The following ANKFY1 variants were observed in gnomAD, a reference collection of about 807,000 sequenced individuals.
The protein encoded by ANKFY1 is ankyrin repeat and FYVE domain containing 1.
In ANKFY1, 47 loss-of-function variants were observed where a neutral mutation model predicts 128.3. The ratio of observed to expected loss-of-function variants is 0.37; its 90% confidence interval spans 0.29 to 0.47. The LOEUF (loss-of-function observed/expected upper bound fraction) is 0.47, where lower values mean the gene tolerates loss of function less well. Among genes scored for constraint, ANKFY1 ranks in the 20% least tolerant of loss-of-function variants. ANKFY1 has a pLI of 1.00. For synonymous variants in ANKFY1, 553 were observed against 601.6 expected (o/e 0.92, Z 1.18); for missense variants, 1,222 against 1,510.6 (o/e 0.81, Z 3.17).
intron 11 of ANKFY1, among the ~76,000 whole-genome samples, chr17:4,189,075 C>T (rs894781422): frequency 4.6e-5 from 7 of 152,112 alleles, no homozygotes; most frequent in Admixed American, 3.9e-4. Flanking sequence ...AATGCTATCG[C>T]GGTAGGTTTG....
At chr17:4,214,446 C>T (rs1356514936) in intron 4 of ANKFY1, among the ~76,000 whole-genome samples, 2 of 151,838 alleles carry the variant, frequency 1.3e-5, no homozygotes, top group South Asian at 2.1e-4. Context: ...GACTTTCACC[C>T]GAAGGGAATT....
intron 1 of ANKFY1, among the ~76,000 whole-genome samples, chr17:4,245,508 A>G (rs1967490255): frequency 6.8e-6 from 1 of 146,898 alleles, no homozygotes; most frequent in Non-Finnish European, 1.5e-5. Context: ...CTGGCTATAA[A>G]TTTTTAAGTT....
At position 4,166,670 on chromosome 17, in the gene ANKFY1, C is replaced by T. The variant is rs1300427670; in HGVS notation, c.*1109G>A. On this transcript the variant is annotated 3_prime_UTR_variant, in exon 25 of 25. Coordinates refer to ENST00000341657, the MANE Select transcript of ANKFY1 (RefSeq NM_001330063.2). ...ATGGGGCAGGGCAAGCTACACAGAA[C>T]TGGGACCAACAGCACTCGCAGCATC... The T allele has an allele frequency of 6.6e-6, 1 of 152,316 alleles. No homozygotes were observed. Among genetic ancestry groups the T allele is most frequent in the Non-Finnish European group, 1.5e-5 (1 of 68,084 alleles). The allele number at this position is 152,316 out of a possible 1,614,324, so 9.4% of individuals were successfully genotyped here.
At chr17:4,206,568 T>C in intron 6 of ANKFY1, 82 bp from the exon 7 acceptor site, 5 of 1,263,292 alleles carry the variant, frequency 4.0e-6, no homozygotes, top group South Asian at 1.4e-5. Flanking sequence ...GACCCTTAAA[T>C]ATCATCTCTT....
chr17:4,203,827 C>CAAAAAAAAAA (rs773865349), intron 7 of ANKFY1, among the ~76,000 whole-genome samples: 242 of 77,478 alleles, frequency 3.1e-3, no homozygotes, highest in Non-Finnish European at 4.0e-3. Context: ...ACAACAACAA[C>CAAAAAAAAAA]AAAAAAAAAA....
chr17:4,190,692 AGTTT>A (rs1445433946), intron 10 of ANKFY1, among the ~76,000 whole-genome samples: 1 of 152,084 alleles, frequency 6.6e-6, no homozygotes, highest in Admixed American at 6.5e-5. Flanking sequence ...GAAAAAAATG[AGTTT>A]TTTTTTCTCT....
At chr17:4,191,661 CTGGAGACTCCTAGTTGAT>C (rs2059720384) in intron 10 of ANKFY1, among the ~76,000 whole-genome samples, 1 of 111,710 alleles carries the variant, frequency 9.0e-6, no homozygotes, top group Non-Finnish European at 2.0e-5. Context: ...GATGGTTAAT[CTGGAGACTCCTAGTTGAT>C]GGTTAATCTG....
chr17:4,198,302 G>C (rs1446125563), intron 7 of ANKFY1, among the ~76,000 whole-genome samples: 2 of 151,742 alleles, frequency 1.3e-5, no homozygotes, highest in East Asian at 3.9e-4. Flanking sequence ...CCATTCTGCT[G>C]TACTTGCATT....
intron 21 of ANKFY1, 66 bp downstream of exon 21, chr17:4,173,288 C>G (rs1277483173): frequency 6.6e-7 from 1 of 1,507,552 alleles, no homozygotes; most frequent in Admixed American, 1.7e-5. Flanking sequence ...TGGGAGGCAC[C>G]AGCAACCAGC....
In ANKFY1 at chr17:4,199,213, C is replaced by A. The variant is rs186975818; in HGVS notation, c.899-1636G>T. ...CCATTCTTCTTCTTATTTTTTGAGA[C>A]AGAGTCTCACCCCCGCCACCCAGGC... is the stretch of plus-strand genomic sequence containing the variant. On this transcript the variant is annotated intron_variant, in intron 7 of 24. Transcript: ENST00000341657. 4.6e-5 allele frequency among the ~76,000 whole-genome samples: 7 copies of A among 152,296 alleles called. No individual in the cohort carries two copies. In the East Asian group the frequency reaches 1.4e-3, roughly 29 times the overall value.
At chr17:4,194,274 ATTTGT>A (rs1335546724) in intron 10 of ANKFY1, among the ~76,000 whole-genome samples, 1 of 150,290 alleles carries the variant, frequency 6.7e-6, no homozygotes, top group Non-Finnish European at 1.5e-5. Context: ...CCAGCTGATA[ATTTGT>A]TTTTTCAGTA....
At chr17:4,234,721 T>C (rs1451849135) in intron 3 of ANKFY1, among the ~76,000 whole-genome samples, 1 of 152,160 alleles carries the variant, frequency 6.6e-6, no homozygotes, top group Non-Finnish European at 1.5e-5. Context: ...CTTCCCAGGC[T>C]AGTCTTGAAT....
chr17:4,261,704 C>G (rs1968427048), intron 1 of ANKFY1, among the ~76,000 whole-genome samples: 1 of 152,228 alleles, frequency 6.6e-6, no homozygotes, highest in East Asian at 1.9e-4. Context: ...CAAAGCACAG[C>G]AGGTGCTCAG....
At chr17:4,253,377 G>A (rs1967947205) in intron 1 of ANKFY1, among the ~76,000 whole-genome samples, 1 of 152,136 alleles carries the variant, frequency 6.6e-6, no homozygotes, top group South Asian at 2.1e-4. Context: ...TTGTGCTGGT[G>A]GTTATATGAC....
intron 6 of ANKFY1, among the ~76,000 whole-genome samples, chr17:4,207,178 ATCTATCTAACCACAGAGGGCCCG>A (rs2060041738): frequency 6.7e-6 from 1 of 150,196 alleles, no homozygotes; most frequent in Non-Finnish European, 1.5e-5. Context: ...AGAGGGCCCG[ATCTATCTAACCACAGAGGGCCCG>A]ATCTATCTAA....
intron 7 of ANKFY1, among the ~76,000 whole-genome samples, chr17:4,202,233 C>T (rs749581112): frequency 6.6e-6 from 1 of 151,096 alleles, no homozygotes; most frequent in East Asian, 1.9e-4. Flanking sequence ...CAAACCCAAT[C>T]GCTACAAAAA....
At chr17:4,214,152 C>A (rs1224419794) in intron 4 of ANKFY1, among the ~76,000 whole-genome samples, 5 of 152,192 alleles carry the variant, frequency 3.3e-5, no homozygotes, top group Non-Finnish European at 7.4e-5. Flanking sequence ...TACAAAGCAC[C>A]TTTACAGCAT....
intron 11 of ANKFY1, chr17:4,186,992 C>T (rs2059623647): frequency 8.2e-7 from 1 of 1,215,132 alleles, no homozygotes; most frequent in East Asian, 3.3e-5. Flanking sequence ...GGGTTCGCCG[C>T]AACTGTTTTT....
intron 2 of ANKFY1, among the ~76,000 whole-genome samples, chr17:4,241,430 C>A (rs1470863179): frequency 6.6e-6 from 1 of 151,916 alleles, no homozygotes; most frequent in African/African-American, 2.4e-5. Context: ...CAGGTGCCCA[C>A]CACCATGCGC....
Sources: gnomAD v4.1 joint callset for allele counts (sites outside exome capture counted in the v4.1 genomes callset) on GRCh38, gnomAD v4.1.1 for gene constraint, MANE v1.5 for transcripts, NCBI Gene and HGNC (gene_info 2026-07-23, HGNC 2026-07-21) for gene names.